The following PLEKHA7 variants were observed in gnomAD, a reference collection of about 807,000 sequenced individuals.
PLEKHA7 encodes the protein pleckstrin homology domain containing A7.
In PLEKHA7, 104 loss-of-function variants were observed where a neutral mutation model predicts 170.0. The ratio of observed to expected loss-of-function variants is 0.61; its 90% CI spans 0.52 to 0.72. PLEKHA7 has a LOEUF of 0.72. Among genes scored for constraint, PLEKHA7 ranks in the 30% least tolerant of loss-of-function variants. PLEKHA7 has a pLI of 0.00. For synonymous variants in PLEKHA7, 648 were observed against 660.8 expected (o/e 0.98, Z 0.30); for missense variants, 1,615 against 1,671.7 (o/e 0.97, Z 0.59).
At chr11:16,974,427 A>G (rs940537789) in intron 3 of PLEKHA7, among the ~76,000 whole-genome samples, 2 of 152,062 alleles carry the variant, frequency 1.3e-5, no homozygotes, top group Middle Eastern at 3.2e-3. Flanking sequence ...TGCGCAAAAT[A>G]TGGAACGCTT....
intron 9 of PLEKHA7, among the ~76,000 whole-genome samples, chr11:16,830,816 T>C (rs1265178950): frequency 6.6e-6 from 1 of 152,206 alleles, no homozygotes; most frequent in Non-Finnish European, 1.5e-5. Context: ...TTAATTATGG[T>C]AACCACATTG....
chr11:16,820,092 A>G (rs1434773369), intron 10 of PLEKHA7, among the ~76,000 whole-genome samples: 1 of 152,214 alleles, frequency 6.6e-6, no homozygotes, highest in Non-Finnish European at 1.5e-5. Flanking sequence ...ATATTTTTAA[A>G]ATGCTGGTTA....
chr11:16,878,648 T>G (rs1855487534), intron 3 of PLEKHA7, among the ~76,000 whole-genome samples: 1 of 152,120 alleles, frequency 6.6e-6, no homozygotes, highest in Non-Finnish European at 1.5e-5. Flanking sequence ...CAGGCTGGAG[T>G]GCAGTGGCAC....
intron 8 of PLEKHA7, among the ~76,000 whole-genome samples, chr11:16,847,842 C>CAAAAAA (rs35191685): frequency 9.9e-6 from 1 of 101,464 alleles, no homozygotes; most frequent in African/African-American, 3.6e-5. Context: ...AATTCTGTCT[C>CAAAAAA]AAAAAAAAAA....
At chr11:16,851,318 A>T (rs1402214698) in intron 7 of PLEKHA7, 27 bp from the exon 8 acceptor site, 2 of 1,573,926 alleles carry the variant, frequency 1.3e-6, no homozygotes, top group Admixed American at 1.7e-5. Context: ...GCATCAGAAC[A>T]ACCTTCTGGG....
intron 4 of PLEKHA7, among the ~76,000 whole-genome samples, chr11:16,864,682 C>T (rs930177033): frequency 6.6e-6 from 1 of 152,224 alleles, no homozygotes; most frequent in Non-Finnish European, 1.5e-5. Context: ...CCTGCACACA[C>T]TCTCTTGCCT....
At chr11:16,896,782 C>T (rs886517618) in intron 3 of PLEKHA7, among the ~76,000 whole-genome samples, 1 of 152,224 alleles carries the variant, frequency 6.6e-6, no homozygotes, top group African/African-American at 2.4e-5. Context: ...TCACCACCCC[C>T]ACATGGATAC....
intron 8 of PLEKHA7, among the ~76,000 whole-genome samples, chr11:16,842,973 T>C (rs368365487): frequency 1.3e-5 from 2 of 152,350 alleles, no homozygotes; most frequent in African/African-American, 4.8e-5. Context: ...GCACTTACCA[T>C]TACCTGATGC....
chr11:16,845,674 A>C (rs1852338369), intron 8 of PLEKHA7, among the ~76,000 whole-genome samples: 2 of 152,094 alleles, frequency 1.3e-5, no homozygotes, highest in South Asian at 4.2e-4. Context: ...GCCTTATTAA[A>C]GGGTTTAAAC....
At chr11:17,006,091 C>A (rs1302246897) in intron 3 of PLEKHA7, among the ~76,000 whole-genome samples, 4 of 152,176 alleles carry the variant, frequency 2.6e-5, no homozygotes, top group Admixed American at 2.0e-4. Flanking sequence ...ACAAATAAGG[C>A]TGGGCATGGT....
At chr11:17,009,969 G>C (rs1049887226) in intron 3 of PLEKHA7, among the ~76,000 whole-genome samples, 15 of 152,090 alleles carry the variant, frequency 9.9e-5, no homozygotes, top group African/African-American at 3.6e-4. Context: ...ACTTAGTCTA[G>C]AACTGGGAGA....
intron 3 of PLEKHA7, among the ~76,000 whole-genome samples, chr11:16,942,106 A>G (rs1321864576): frequency 6.6e-6 from 1 of 152,194 alleles, no homozygotes; most frequent in Non-Finnish European, 1.5e-5. Flanking sequence ...TATGAAGCCC[A>G]TTTTACAGAC....
At chr11:16,970,205 C>A (rs1706335136) in intron 3 of PLEKHA7, among the ~76,000 whole-genome samples, 1 of 152,226 alleles carries the variant, frequency 6.6e-6, no homozygotes, top group African/African-American at 2.4e-5. Context: ...TCCTACTCCA[C>A]TCCCTCAGAC....
intron 3 of PLEKHA7, among the ~76,000 whole-genome samples, chr11:16,944,543 T>TAA (rs34484852): frequency 3.6e-5 from 5 of 138,950 alleles, no homozygotes; most frequent in Non-Finnish European, 3.1e-5. Flanking sequence ...TTCTTCTCCT[T>TAA]AAAAAAAAAA....
chr11:17,001,934 T>C (rs1590825242), intron 3 of PLEKHA7, among the ~76,000 whole-genome samples: 2 of 152,290 alleles, frequency 1.3e-5, no homozygotes, highest in East Asian at 1.9e-4. Flanking sequence ...GGCTGTGATA[T>C]TGGAAATGCT....
chr11:16,810,631 T>C (rs1305901174), intron 13 of PLEKHA7, among the ~76,000 whole-genome samples: 2 of 152,122 alleles, frequency 1.3e-5, no homozygotes, highest in African/African-American at 4.8e-5. Context: ...TTCCAGAAAG[T>C]CCAATAACTA....
intron 3 of PLEKHA7, among the ~76,000 whole-genome samples, chr11:17,007,548 T>C (rs1037482060): frequency 6.6e-6 from 1 of 150,670 alleles, no homozygotes; most frequent in Non-Finnish European, 1.5e-5. Context: ...AGAACAAAAT[T>C]TTACATTTTA....
chr11:16,859,743 C>T (rs540439001), intron 4 of PLEKHA7, among the ~76,000 whole-genome samples: 51 of 152,322 alleles, frequency 3.3e-4, no homozygotes, highest in Admixed American at 1.8e-3. Context: ...CATCTAAGAA[C>T]CAACTTCTCT....
At chr11:16,978,684 A>G (rs896648748) in intron 3 of PLEKHA7, among the ~76,000 whole-genome samples, 1 of 152,206 alleles carries the variant, frequency 6.6e-6, no homozygotes, top group African/African-American at 2.4e-5. Flanking sequence ...AGCAAGTTGC[A>G]ATGAACATCC....
Sources: allele counts gnomAD v4.1 joint callset (sites outside exome capture counted in the v4.1 genomes callset), GRCh38; gene constraint gnomAD v4.1.1; transcripts MANE v1.5; gene names NCBI Gene and HGNC (gene_info 2026-07-23, HGNC 2026-07-21).